PRKG1: variants seen among roughly 807,000 people sequenced by gnomAD.
PRKG1 encodes cGMP-dependent protein kinase 1.
A neutral mutation model predicts 88.1 loss-of-function variants in PRKG1; 35 were observed. That is an observed-to-expected ratio of 0.40 (90% CI 0.30 to 0.53). PRKG1 has a LOEUF of 0.53. PRKG1 is among the 20% of genes least tolerant of loss of function. PRKG1 has a pLI of 0.59. For synonymous variants in PRKG1, 303 were observed against 292.5 expected (o/e 1.04, Z -0.37); for missense variants, 540 against 839.8 (o/e 0.64, Z 4.41).
chr10:52,241,599 T>C (rs1432365664), intron 9 of PRKG1, among the ~76,000 whole-genome samples: 1 of 152,172 alleles, frequency 6.6e-6, no homozygotes, highest in Non-Finnish European at 1.5e-5. Flanking sequence ...CCCTAAGCCT[T>C]CTGTACATGA....
At chr10:51,107,644 T>G (rs953965660) in intron 1 of PRKG1, among the ~76,000 whole-genome samples, 1 of 151,430 alleles carries the variant, frequency 6.6e-6, no homozygotes, top group Non-Finnish European at 1.5e-5. Context: ...AGCAACACAG[T>G]GAGACCCCAT....
At chr10:51,480,751 T>C (rs575034153) in intron 3 of PRKG1, among the ~76,000 whole-genome samples, 3 of 152,264 alleles carry the variant, frequency 2.0e-5, no homozygotes, top group East Asian at 3.9e-4. Context: ...ATAGGGGTTA[T>C]TGATAATATG....
At chr10:52,207,525 C>T (rs1454753085) in intron 9 of PRKG1, among the ~76,000 whole-genome samples, 2 of 152,168 alleles carry the variant, frequency 1.3e-5, no homozygotes, top group African/African-American at 4.8e-5. Flanking sequence ...CCTAGAAGTA[C>T]ATGGTGAGCC....
At chr10:52,098,597 G>T (rs1347660905) in intron 7 of PRKG1, among the ~76,000 whole-genome samples, 1 of 152,188 alleles carries the variant, frequency 6.6e-6, no homozygotes, top group Non-Finnish European at 1.5e-5. Context: ...GATAACGTGA[G>T]GTCAGGAGTT....
At chr10:51,083,319 G>A (rs576669471) in intron 1 of PRKG1, among the ~76,000 whole-genome samples, 1 of 152,170 alleles carries the variant, frequency 6.6e-6, no homozygotes, top group Non-Finnish European at 1.5e-5. Context: ...TTCATCCCAA[G>A]TTTTTTGTTT....
At chr10:51,698,613 G>A in intron 3 of PRKG1, 1 of 1,613,922 alleles carries the variant, frequency 6.2e-7, no homozygotes, top group East Asian at 2.2e-5. Context: ...CGAGGTATAG[G>A]AGCTCTAGGA....
chr10:51,204,703 C>A (rs779703291), intron 2 of PRKG1, among the ~76,000 whole-genome samples: 1 of 152,094 alleles, frequency 6.6e-6, no homozygotes, highest in Non-Finnish European at 1.5e-5. Flanking sequence ...TTTCACCAGA[C>A]CCCAGATCCC....
rs2132475215 is a variant in PRKG1 at position 52,298,039 on chromosome 10, T to G, written c.*4139T>G. ...CTTTCTGAGTAAAGGGACATTTCTT[T>G]AAGCATCATCTATCAAATTTATTTC... is the stretch of plus-strand genomic sequence containing the variant. On this transcript the variant is annotated 3_prime_UTR_variant, in exon 18 of 18. Coordinates refer to ENST00000373980, the MANE Select transcript of PRKG1 (RefSeq NM_006258.4). 6.6e-6 allele frequency: 1 copy of G among 152,288 alleles called. No homozygotes were observed. The highest frequency in any genetic ancestry group is 2.1e-4 in the South Asian group (1 of 4,822). 9.4% of individuals were successfully genotyped at this position (152,288 alleles called of 1,614,324 possible).
chr10:51,888,536 T>C (rs1282947863), intron 4 of PRKG1, among the ~76,000 whole-genome samples: 1 of 152,200 alleles, frequency 6.6e-6, no homozygotes, highest in African/African-American at 2.4e-5. Flanking sequence ...TAGACACAGC[T>C]TCACTTTTTG....
intron 2 of PRKG1, among the ~76,000 whole-genome samples, chr10:51,291,110 A>G (rs1478006948): frequency 6.6e-6 from 1 of 152,136 alleles, no homozygotes; most frequent in Non-Finnish European, 1.5e-5. Flanking sequence ...CAACTGAGTA[A>G]TAGTTATCAA....
intron 3 of PRKG1, among the ~76,000 whole-genome samples, chr10:51,491,572 A>G (rs1228571294): frequency 6.6e-6 from 1 of 152,116 alleles, no homozygotes; most frequent in Non-Finnish European, 1.5e-5. Context: ...TCAGAGCATG[A>G]CTATAACCAC....
chr10:51,739,479 C>A (rs1269489396), intron 3 of PRKG1, among the ~76,000 whole-genome samples: 1 of 152,154 alleles, frequency 6.6e-6, no homozygotes, highest in African/African-American at 2.4e-5. Flanking sequence ...ATATCCCCAA[C>A]AATGCCCATC....
intron 8 of PRKG1, among the ~76,000 whole-genome samples, chr10:52,144,733 C>T (rs556433066): frequency 2.1e-3 from 142 of 67,148 alleles, no homozygotes; most frequent in Middle Eastern, 6.9e-3. Flanking sequence ...AGGAGAATTG[C>T]TTGAACCCAG....
intron 2 of PRKG1, among the ~76,000 whole-genome samples, chr10:51,463,045 A>T (rs1236478309): frequency 6.6e-6 from 1 of 152,206 alleles, no homozygotes; most frequent in East Asian, 1.9e-4. Flanking sequence ...AGAGAAATTA[A>T]TAGAAACAGT....
intron 3 of PRKG1, among the ~76,000 whole-genome samples, chr10:51,718,224 G>A (rs1841931702): frequency 6.6e-6 from 1 of 152,174 alleles, no homozygotes; most frequent in South Asian, 2.1e-4. Context: ...GATCAAGAAA[G>A]CCTTCTCTGA....
chr10:52,125,316 T>C (rs1448222043), intron 7 of PRKG1, among the ~76,000 whole-genome samples: 1 of 152,136 alleles, frequency 6.6e-6, no homozygotes, highest in Non-Finnish European at 1.5e-5. Context: ...TGCATGACTA[T>C]GCATGCTTCC....
At chr10:51,681,886 T>C (rs1234510445) in intron 3 of PRKG1, among the ~76,000 whole-genome samples, 1 of 152,188 alleles carries the variant, frequency 6.6e-6, no homozygotes, top group Non-Finnish European at 1.5e-5. Flanking sequence ...CTTTCAAAAG[T>C]CCTTTCACTT....
chr10:52,083,554 A>T (rs7090393), intron 7 of PRKG1, among the ~76,000 whole-genome samples: 28 of 151,982 alleles, frequency 1.8e-4, no homozygotes, highest in Admixed American at 7.2e-4. Flanking sequence ...ATTCATATTT[A>T]CATGTTTAAT....
At chr10:51,312,808 A>C (rs184950155) in intron 2 of PRKG1, among the ~76,000 whole-genome samples, 8 of 152,274 alleles carry the variant, frequency 5.3e-5, no homozygotes, top group Non-Finnish European at 8.8e-5. Context: ...AGTGGGGTAC[A>C]CAATTTTATT....
Sources: allele counts gnomAD v4.1 joint callset (sites outside exome capture counted in the v4.1 genomes callset), GRCh38; gene constraint gnomAD v4.1.1; transcripts MANE v1.5; gene names NCBI Gene and HGNC (gene_info 2026-07-23, HGNC 2026-07-21).